Variants in CTNNA3 observed in about 807,000 individuals in gnomAD.
CTNNA3 encodes catenin alpha-3.
A neutral mutation model predicts 95.7 loss-of-function variants in CTNNA3; 76 were observed. The observed-to-expected ratio is 0.79, with a 90% CI of 0.66 to 0.96. The LOEUF (loss-of-function observed/expected upper bound fraction) is 0.96, where lower values mean the gene tolerates loss of function less well. CTNNA3 is among the 40% of genes least tolerant of loss of function. The pLI, the probability that CTNNA3 is intolerant of heterozygous loss-of-function variation, is 0.00. For missense variants in CTNNA3, 1,191 were observed against 1,089.8 expected (o/e 1.09, Z -1.31); for synonymous variants, 431 against 374.4 (o/e 1.15, Z -1.74).
chr10:66,637,570 GA>G (rs2132366081), intron 9 of CTNNA3, among the ~76,000 whole-genome samples: 1 of 152,318 alleles, frequency 6.6e-6, no homozygotes, highest in South Asian at 2.1e-4. Flanking sequence ...AGCCTCTGAA[GA>G]AAGAAATCCC....
chr10:67,010,237 A>T (rs934189020), intron 7 of CTNNA3, among the ~76,000 whole-genome samples: 5 of 152,216 alleles, frequency 3.3e-5, no homozygotes, highest in African/African-American at 7.2e-5. Flanking sequence ...TATTATAGTT[A>T]TAGCAACTAA....
At chr10:67,218,472 C>T (rs1022819503) in intron 6 of CTNNA3, among the ~76,000 whole-genome samples, 4 of 152,110 alleles carry the variant, frequency 2.6e-5, no homozygotes, top group African/African-American at 9.7e-5. Context: ...ACCAGAGCTC[C>T]CTGCTGATTG....
At chr10:67,252,901 T>C (rs1417821107) in intron 5 of CTNNA3, among the ~76,000 whole-genome samples, 1 of 152,254 alleles carries the variant, frequency 6.6e-6, no homozygotes, top group African/African-American at 2.4e-5. Flanking sequence ...ACTGTATCTG[T>C]AAAGTTTGCA....
chr10:66,480,780 A>G (rs1839495118), intron 11 of CTNNA3, among the ~76,000 whole-genome samples: 1 of 151,622 alleles, frequency 6.6e-6, no homozygotes, highest in African/African-American at 2.4e-5. Context: ...AATTTTTTGT[A>G]TTTTTTAGTA....
At chr10:66,544,587 C>T (rs187412150) in intron 10 of CTNNA3, among the ~76,000 whole-genome samples, 3 of 152,164 alleles carry the variant, frequency 2.0e-5, no homozygotes, top group Admixed American at 2.0e-4. Flanking sequence ...TAATAAATCT[C>T]TTGATTATTC....
intron 10 of CTNNA3, among the ~76,000 whole-genome samples, chr10:66,545,631 T>C (rs1842012563): frequency 6.6e-6 from 1 of 152,110 alleles, no homozygotes; most frequent in African/African-American, 2.4e-5. Context: ...AAGGTGTCCA[T>C]ACTGATGTAG....
chr10:67,180,401 C>A lies in CTNNA3; in HGVS notation c.963G>T (p.Arg321Ser). 2.5e-6 allele frequency: 4 copies of A among 1,613,672 alleles called. No individual in the cohort carries two copies. Among genetic ancestry groups the A allele is most frequent in the South Asian group, 1.1e-5 (1 of 91,058 alleles). ...CGATAATCCGCTCTCGGTGTAAGTC[C>A]CTCGTACATGAAGAATCCGCCAGCA... ...AALLADSSCTRDLHRERIIAE... is the reference protein window; with the variant it reads ...AALLADSSCTSDLHRERIIAE... Residue 321 changes from arginine (R) to serine (S), a missense_variant, in exon 7 of 18, where the codon AGG (arginine) becomes AGT (serine). Physicochemically the swap from Arg to Ser is moderately radical, Grantham distance 110. Transcript: ENST00000433211.
At position 66,830,603 on chromosome 10, in the gene CTNNA3, C is replaced by CTTTTTT. The variant is rs111968297; in HGVS notation, c.1048-55085_1048-55080dup. On this transcript the variant is annotated intron_variant, in intron 7 of 17. Coordinates refer to ENST00000433211, the MANE Select transcript of CTNNA3 (RefSeq NM_013266.4). ...CAACCCCTCACAACTACTAATTTCT[C>CTTTTTT]TTTTTTTTTTTGTTTTTCCTTTTTG... Among the ~76,000 whole-genome samples, 561 of 147,756 alleles carry CTTTTTT rather than the reference C, an allele frequency of 3.8e-3. 4 individuals are homozygous for CTTTTTT. The highest frequency in any genetic ancestry group is 0.014 in the African/African-American group (547 of 40,078).
chr10:67,285,750 T>C (rs2132453973), intron 5 of CTNNA3, among the ~76,000 whole-genome samples: 1 of 152,320 alleles, frequency 6.6e-6, no homozygotes, highest in East Asian at 1.9e-4. Flanking sequence ...TGTTTTTATA[T>C]AATTAATGTT....
At chr10:66,693,874 C>T (rs948574308) in intron 9 of CTNNA3, among the ~76,000 whole-genome samples, 13 of 151,972 alleles carry the variant, frequency 8.6e-5, no homozygotes, top group African/African-American at 2.2e-4. Flanking sequence ...GGGTACATAA[C>T]AAAATGAAGA....
chr10:67,738,253 G>A (rs1841314274), intron 1 of CTNNA3, among the ~76,000 whole-genome samples: 2 of 152,158 alleles, frequency 1.3e-5, no homozygotes. Context: ...GATATTTGCT[G>A]TTCCGCAATA....
intron 1 of CTNNA3, among the ~76,000 whole-genome samples, chr10:67,704,182 G>A (rs1465427068): frequency 1.3e-5 from 2 of 152,260 alleles, no homozygotes; most frequent in African/African-American, 4.8e-5. Context: ...AATCAACATC[G>A]TGAAAATGGC....
intron 7 of CTNNA3, among the ~76,000 whole-genome samples, chr10:66,830,988 G>A (rs1842702994): frequency 6.6e-6 from 1 of 152,096 alleles, no homozygotes; most frequent in African/African-American, 2.4e-5. Context: ...TGTTTTATAT[G>A]TTTTTAAATG....
At chr10:67,236,446 G>A (rs1307301254) in intron 5 of CTNNA3, among the ~76,000 whole-genome samples, 1 of 148,696 alleles carries the variant, frequency 6.7e-6, no homozygotes, top group African/African-American at 2.5e-5. Context: ...TCACTCATAG[G>A]TGGGAATTGA....
chr10:67,497,334 G>T (rs910506173), intron 5 of CTNNA3, among the ~76,000 whole-genome samples: 8 of 152,192 alleles, frequency 5.3e-5, no homozygotes, highest in Non-Finnish European at 7.4e-5. Flanking sequence ...GTCTATCATT[G>T]ATAGGCATTT....
At chr10:66,876,448 TA>T (rs1844625719) in intron 7 of CTNNA3, among the ~76,000 whole-genome samples, 1 of 152,166 alleles carries the variant, frequency 6.6e-6, no homozygotes, top group Non-Finnish European at 1.5e-5. Flanking sequence ...TATTTCATTT[TA>T]AAATGCATCT....
chr10:67,647,540 T>C (rs1274832691), intron 1 of CTNNA3, 22 bp from the exon 2 acceptor site: 2 of 1,586,748 alleles, frequency 1.3e-6, no homozygotes, highest in South Asian at 1.1e-5. Context: ...CACAAAAGGA[T>C]GCTTATTAAT....
At chr10:66,718,651 A>G (rs960679388) in intron 9 of CTNNA3, among the ~76,000 whole-genome samples, 1 of 149,562 alleles carries the variant, frequency 6.7e-6, no homozygotes, top group East Asian at 1.9e-4. Flanking sequence ...TGTAAATATC[A>G]TTAATAATAT....
rs145840691 is a variant in CTNNA3 at position 67,243,633 on chromosome 10, T to C, written c.580-23763A>G. On this transcript the variant is annotated intron_variant, in intron 5 of 17. Transcript: ENST00000433211. Reference sequence around the variant, plus strand: ...GGCTTCTCTCTCTAGTCTTACTTCCTACTACTCCTGTCACGGTCACTCTTT... The same window carrying C: ...GGCTTCTCTCTCTAGTCTTACTTCCCACTACTCCTGTCACGGTCACTCTTT... Among the ~76,000 whole-genome samples, 281 of 152,314 alleles carry C rather than the reference T, an allele frequency of 1.8e-3. 1 individual carries two copies. Among genetic ancestry groups the C allele is most frequent in the Middle Eastern group, 3.4e-3 (1 of 294 alleles).
Sources: allele counts gnomAD v4.1 joint callset (sites outside exome capture counted in the v4.1 genomes callset), GRCh38; gene constraint gnomAD v4.1.1; transcripts MANE v1.5; gene names NCBI Gene and HGNC (gene_info 2026-07-23, HGNC 2026-07-21).